Variants in CAMK4 observed in about 807,000 individuals in gnomAD.
The protein encoded by CAMK4 is calcium/calmodulin-dependent protein kinase type IV.
CAMK4 carries 22 observed loss-of-function variants against 44.9 expected under a neutral mutation model. The ratio of observed to expected loss-of-function variants is 0.49; its 90% CI spans 0.35 to 0.70. The LOEUF (loss-of-function observed/expected upper bound fraction) is 0.70. Ranked by LOEUF, CAMK4 falls within the 30% of genes least tolerant of loss-of-function variation. The pLI, the probability that CAMK4 is intolerant of heterozygous loss-of-function variation, is 0.01. For missense variants in CAMK4, 498 were observed against 586.8 expected (o/e 0.85, Z 1.56); for synonymous variants, 218 against 215.4 (o/e 1.01, Z -0.11).
chr5:111,303,683 C>A (rs1260075895), intron 1 of CAMK4, among the ~76,000 whole-genome samples: 1 of 146,094 alleles, frequency 6.8e-6, no homozygotes, highest in Admixed American at 7.0e-5. Flanking sequence ...AGGATATTAT[C>A]CAGGAGAACT....
chr5:111,337,935 T>C (rs1437509527), intron 1 of CAMK4, among the ~76,000 whole-genome samples: 1 of 151,118 alleles, frequency 6.6e-6, no homozygotes, highest in Non-Finnish European at 1.5e-5. Context: ...ACTGTTTTAG[T>C]TGGGTATGAA....
At chr5:111,301,846 A>G (rs555021423) in intron 1 of CAMK4, among the ~76,000 whole-genome samples, 2 of 152,274 alleles carry the variant, frequency 1.3e-5, no homozygotes, top group South Asian at 4.1e-4. Flanking sequence ...GTTTTTTTGC[A>G]TACTTACTCT....
intron 2 of CAMK4, among the ~76,000 whole-genome samples, chr5:111,363,295 C>G (rs1456380871): frequency 6.6e-6 from 1 of 152,052 alleles, no homozygotes; most frequent in Admixed American, 6.6e-5. Context: ...ACTGACCAAC[C>G]AATTCTAATC....
chr5:111,467,860 T>C (rs1002015033), intron 7 of CAMK4, among the ~76,000 whole-genome samples: 1 of 149,258 alleles, frequency 6.7e-6, no homozygotes, highest in African/African-American at 2.5e-5. Context: ...GGATATCTAC[T>C]CAGAGGAAAA....
intron 5 of CAMK4, among the ~76,000 whole-genome samples, chr5:111,415,721 G>A (rs1274386764): frequency 2.0e-5 from 3 of 152,084 alleles, no homozygotes; most frequent in Non-Finnish European, 2.9e-5. Flanking sequence ...AGAAACTCTA[G>A]TTTTATACAG....
At chr5:111,241,186 T>C (rs1018241669) in intron 1 of CAMK4, among the ~76,000 whole-genome samples, 1 of 152,134 alleles carries the variant, frequency 6.6e-6, no homozygotes, top group Non-Finnish European at 1.5e-5. Context: ...CCAGCTTTTC[T>C]ACTGATGTCC....
chr5:111,249,165 A>C (rs1393025151), intron 1 of CAMK4, among the ~76,000 whole-genome samples: 1 of 152,226 alleles, frequency 6.6e-6, no homozygotes, highest in Non-Finnish European at 1.5e-5. Context: ...AAAAGTGGGC[A>C]TATTAGTTTC....
chr5:111,395,025 A>G lies in CAMK4; in HGVS notation c.459+243A>G, dbSNP rs546915605. Among the ~76,000 whole-genome samples the G allele has an allele frequency of 3.9e-5, 6 of 152,128 alleles. No individual in the cohort carries two copies. In the South Asian group the frequency reaches 1.0e-3, roughly 26 times the overall value. ...GGAGTTCCAGACCAGCCTTGCCAAC[A>G]TGGTGAAACGCCATATCTAATAAAA... On this transcript the variant is annotated intron_variant, in intron 5 of 10. Coordinates refer to ENST00000282356, the MANE Select transcript of CAMK4 (RefSeq NM_001744.6).
intron 5 of CAMK4, among the ~76,000 whole-genome samples, chr5:111,404,630 G>A (rs1032594933): frequency 1.3e-5 from 2 of 152,148 alleles, no homozygotes; most frequent in South Asian, 2.1e-4. Flanking sequence ...GCCACAAAGA[G>A]TCTGTTTTTG....
chr5:111,387,417 G>A (rs1014789308), intron 4 of CAMK4, among the ~76,000 whole-genome samples: 2 of 152,112 alleles, frequency 1.3e-5, no homozygotes, highest in Non-Finnish European at 2.9e-5. Flanking sequence ...CTTTGATTTT[G>A]TCTAAAATAA....
intron 5 of CAMK4, among the ~76,000 whole-genome samples, chr5:111,407,912 G>A (rs1752495916): frequency 6.6e-6 from 1 of 152,110 alleles, no homozygotes; most frequent in African/African-American, 2.4e-5. Context: ...GATCACTTGA[G>A]GTCAGGAGTT....
intron 1 of CAMK4, among the ~76,000 whole-genome samples, chr5:111,312,796 T>C (rs932847522): frequency 5.3e-5 from 8 of 152,144 alleles, no homozygotes; most frequent in African/African-American, 1.9e-4. Flanking sequence ...TGTGATTTGT[T>C]AGCGGAGAGC....
intron 5 of CAMK4, among the ~76,000 whole-genome samples, chr5:111,445,473 G>C (rs1753993466): frequency 6.6e-6 from 1 of 151,926 alleles, no homozygotes; most frequent in South Asian, 2.1e-4. Flanking sequence ...CTATCACCCA[G>C]GCTGGAGTGC....
intron 5 of CAMK4, among the ~76,000 whole-genome samples, chr5:111,444,974 T>G (rs1477482677): frequency 6.6e-6 from 1 of 152,198 alleles, no homozygotes; most frequent in Middle Eastern, 3.2e-3. Context: ...GATATTAACA[T>G]ATATGCATAC....
Position 111,488,850 on chromosome 5 carries a change from T to G in CAMK4, c.*4384T>G, listed in dbSNP as rs546311893. 1 of 152,326 alleles carries G rather than the reference T, an allele frequency of 6.6e-6. No homozygotes were observed. Among genetic ancestry groups the G allele is most frequent in the Admixed American group, 6.5e-5 (1 of 15,306 alleles). The allele number at this position is 152,326 out of a possible 1,614,324, so 9.4% of individuals were successfully genotyped here. A position where few individuals can be genotyped will look rare whatever the true frequency, so the allele number is the denominator to read the frequency against. ...GTCAATTAATCATAGTGCCATTATG[T>G]CACTTATTTGTCATTGCAAAGTATT... is the stretch of plus-strand genomic sequence containing the variant. On this transcript the variant is annotated 3_prime_UTR_variant, in exon 11 of 11. Coordinates refer to ENST00000282356, the MANE Select transcript of CAMK4 (RefSeq NM_001744.6).
intron 5 of CAMK4, among the ~76,000 whole-genome samples, chr5:111,423,322 T>G (rs1476196891): frequency 1.3e-5 from 2 of 152,194 alleles, no homozygotes; most frequent in Non-Finnish European, 2.9e-5. Context: ...AAATCTAATT[T>G]TATAGAACTT....
intron 1 of CAMK4, among the ~76,000 whole-genome samples, chr5:111,339,761 A>C (rs968094885): frequency 6.6e-6 from 1 of 151,338 alleles, no homozygotes; most frequent in African/African-American, 2.4e-5. Flanking sequence ...TTGTGTGAAC[A>C]ATGTTATTGG....
intron 1 of CAMK4, among the ~76,000 whole-genome samples, chr5:111,314,604 G>A (rs1473069554): frequency 6.6e-6 from 1 of 152,002 alleles, no homozygotes. Flanking sequence ...AGTTAAAAAT[G>A]TGCAGAAGCT....
chr5:111,374,897 C>G lies in CAMK4; in HGVS notation c.288C>G (p.Leu96=), dbSNP rs144973840. The G allele has an allele frequency of 3.7e-6, 6 of 1,610,954 alleles. No individual in the cohort carries two copies. The African/African-American group carries it at 8.0e-5, about 22-fold the overall frequency. The stretch of plus-strand genomic sequence containing the variant: ...CTGAGATAGGAGTTCTTCTTCGCCT[C>G]TCACATCCAAACATTGTAAGTGGTT... ...VRTEIGVLLR[L]SHPNIIKLKE... Residue 96 remains leucine (L), a synonymous_variant, in exon 3 of 11, where the codon CTC becomes CTG. Transcript: ENST00000282356.
Sources: allele counts gnomAD v4.1 joint callset (sites outside exome capture counted in the v4.1 genomes callset), GRCh38; gene constraint gnomAD v4.1.1; transcripts MANE v1.5; gene names NCBI Gene and HGNC (gene_info 2026-07-23, HGNC 2026-07-21).